GOLGA1: variants seen among roughly 807,000 people sequenced by gnomAD.
GOLGA1 encodes golgin subfamily A member 1.
In GOLGA1, 63 loss-of-function variants were observed where a neutral mutation model predicts 119.7. The ratio of observed to expected loss-of-function variants is 0.53; its 90% confidence interval spans 0.43 to 0.65. The LOEUF is 0.65. Ranked by LOEUF, GOLGA1 falls within the 30% of genes least tolerant of loss-of-function variation. The pLI is 0.00. For synonymous variants in GOLGA1, 318 were observed against 333.4 expected, an observed-to-expected ratio of 0.95 and a Z score of 0.50; for missense variants, 798 against 912.8, an observed-to-expected ratio of 0.87 and a Z score of 1.62.
Position 124,879,135 on chromosome 9 carries a change from T to G in GOLGA1, c.*1395A>C, listed in dbSNP as rs1296244842. The G allele has an allele frequency of 1.3e-5, 2 of 152,226 alleles. No homozygotes were observed. Among genetic ancestry groups the G allele is most frequent in the Admixed American group, 1.3e-4 (2 of 15,288 alleles). 9.4% of individuals were successfully genotyped at this position (152,226 alleles called of 1,614,324 possible). A position where few individuals can be genotyped will look rare whatever the true frequency, so the allele number is the denominator to read the frequency against. On this transcript the variant is annotated 3_prime_UTR_variant, in exon 23 of 23. Coordinates refer to ENST00000373555, the MANE Select transcript of GOLGA1 (RefSeq NM_002077.4). ...CTGTGACACATTTTATATACCTATT[T>G]TGGCCCTAAGCATGATTGAGAAATA... is the stretch of plus-strand genomic sequence containing the variant.
chr9:124,915,382 T>C (rs1830419191), intron 10 of GOLGA1, among the ~76,000 whole-genome samples: 1 of 152,254 alleles, frequency 6.6e-6, no homozygotes, highest in Admixed American at 6.5e-5. Flanking sequence ...GCTATTCTTG[T>C]TAAATATTCA....
chr9:124,926,603 T>A (rs1830677381), intron 7 of GOLGA1, 106 bp downstream of exon 7: 1 of 795,690 alleles, frequency 1.3e-6, no homozygotes, highest in Non-Finnish European at 2.3e-6. Flanking sequence ...CTGTCCTGCT[T>A]CCAAGAGGTG....
chr9:124,886,342 C>T (rs1339768959), intron 19 of GOLGA1, among the ~76,000 whole-genome samples: 10 of 152,038 alleles, frequency 6.6e-5, no homozygotes, highest in Non-Finnish European at 1.0e-4. Flanking sequence ...TCAGAGGAGA[C>T]GGAGAAGGAG....
At chr9:124,931,102 C>A (rs1830762795) in intron 4 of GOLGA1, among the ~76,000 whole-genome samples, 1 of 152,014 alleles carries the variant, frequency 6.6e-6, no homozygotes, top group African/African-American at 2.4e-5. Flanking sequence ...ACCTCAGGAG[C>A]AGAAAAAATT....
At chr9:124,923,292 A>AT in intron 7 of GOLGA1, 69 bp from the exon 8 acceptor site, 1 of 1,348,484 alleles carries the variant, frequency 7.4e-7, no homozygotes, top group Non-Finnish European at 1.0e-6. Context: ...GAAAGTGAAA[A>AT]TCTTTTCTTT....
At chr9:124,913,639 G>A (rs1830381903) in intron 10 of GOLGA1, among the ~76,000 whole-genome samples, 1 of 152,206 alleles carries the variant, frequency 6.6e-6, no homozygotes, top group South Asian at 2.1e-4. Context: ...CTAGATTTAT[G>A]ACCCCACAAT....
chr9:124,893,917 C>T (rs1408320352), intron 15 of GOLGA1, among the ~76,000 whole-genome samples: 1 of 152,180 alleles, frequency 6.6e-6, no homozygotes, highest in African/African-American at 2.4e-5. Flanking sequence ...TGGGAGTCCT[C>T]AGGTGAGCTG....
At chr9:124,915,321 T>A (rs766510134) in intron 10 of GOLGA1, among the ~76,000 whole-genome samples, 1 of 152,230 alleles carries the variant, frequency 6.6e-6, no homozygotes, top group Non-Finnish European at 1.5e-5. Context: ...GAGGACTCGA[T>A]GAGTCCCTAT....
intron 10 of GOLGA1, among the ~76,000 whole-genome samples, chr9:124,918,735 G>C (rs1830502334): frequency 6.6e-6 from 1 of 152,042 alleles, no homozygotes; most frequent in South Asian, 2.1e-4. Context: ...CAGCCTAGGT[G>C]ACAAAGTGAG....
At chr9:124,903,822 G>A (rs1209574869) in intron 12 of GOLGA1, among the ~76,000 whole-genome samples, 1 of 152,080 alleles carries the variant, frequency 6.6e-6, no homozygotes, top group African/African-American at 2.4e-5. Context: ...AGGCCGAGGT[G>A]GGCGGGTCAC....
chr9:124,921,495 C>A (rs1830568593), intron 9 of GOLGA1, among the ~76,000 whole-genome samples: 1 of 152,170 alleles, frequency 6.6e-6, no homozygotes, highest in South Asian at 2.1e-4. Flanking sequence ...TAAAACCACA[C>A]TGAATTGTTC....
chr9:124,903,339 G>A (rs548580640), intron 12 of GOLGA1, among the ~76,000 whole-genome samples: 2 of 151,908 alleles, frequency 1.3e-5, no homozygotes, highest in Admixed American at 6.6e-5. Context: ...AATACAAGGC[G>A]TGGTGGTCTA....
At chr9:124,893,103 G>A (rs1416878856) in intron 15 of GOLGA1, among the ~76,000 whole-genome samples, 2 of 152,158 alleles carry the variant, frequency 1.3e-5, no homozygotes, top group African/African-American at 4.8e-5. Context: ...AGGCTCAAGA[G>A]AGCGTCCTGC....
intron 15 of GOLGA1, among the ~76,000 whole-genome samples, chr9:124,893,832 C>T (rs1269430500): frequency 6.6e-6 from 1 of 152,192 alleles, no homozygotes; most frequent in African/African-American, 2.4e-5. Flanking sequence ...GACTCCCGTC[C>T]CTGGGCAGGA....
chr9:124,940,880 G>A (rs538072418), intron 1 of GOLGA1, 91 bp downstream of exon 1: 1 of 152,578 alleles, frequency 6.6e-6, no homozygotes, highest in East Asian at 1.9e-4. Flanking sequence ...TTGGGGCTCG[G>A]GCAACCCTGA....
intron 19 of GOLGA1, among the ~76,000 whole-genome samples, chr9:124,882,886 G>T (rs1382910915): frequency 6.6e-6 from 1 of 152,118 alleles, no homozygotes; most frequent in Admixed American, 6.5e-5. Context: ...CAGCCCAGCT[G>T]GAAAAGGCTC....
chr9:124,946,168 C>G lies in GOLGA1; in HGVS notation c.-156+1750G>C, dbSNP rs934077567. ...GGTATAATATCTGCTCTACTACTCT[C>G]CAGTGCAAAAACAATGATTTGGTTA... is the stretch of plus-strand genomic sequence containing the variant. On this transcript the variant is annotated intron_variant, in intron 1 of 4. Transcript: ENST00000421514. This position sits in a 1 kb window ranked among gnomAD's most constrained non-coding sequence, Gnocchi z 4.0. 2.0e-5 allele frequency: 3 copies of G among 152,154 alleles called. No homozygotes were observed. The highest frequency in any genetic ancestry group is 7.2e-5 in the African/African-American group (3 of 41,428). The allele number at this position is 152,154 out of a possible 1,614,324, so 9.4% of individuals were successfully genotyped here.
Position 124,881,135 on chromosome 9 carries a change from T to C in GOLGA1, c.2223+36A>G, listed in dbSNP as rs375389496. 2.8e-5 allele frequency: 31 copies of C among 1,097,206 alleles called. No individual in the cohort carries two copies. In the African/African-American group the frequency reaches 4.0e-4, roughly 14 times the overall value. 68.0% of individuals were successfully genotyped at this position (1,097,206 alleles called of 1,614,324 possible). Reference sequence around the variant, plus strand: ...TACTGCTGGGATAACTGACAACGTATCTTGGAAGCTGGAACAGTAGACCAG... The same window carrying C: ...TACTGCTGGGATAACTGACAACGTACCTTGGAAGCTGGAACAGTAGACCAG... On this transcript the variant is annotated intron_variant, in intron 22 of 22. Transcript: ENST00000373555. The surrounding 1 kb of genome is among the most constrained non-coding windows in gnomAD (Gnocchi z 4.9).
chr9:124,885,472 G>T (rs1829699854), intron 19 of GOLGA1, among the ~76,000 whole-genome samples: 1 of 145,944 alleles, frequency 6.9e-6, no homozygotes, highest in Admixed American at 6.9e-5. Flanking sequence ...GTGACAGGGG[G>T]AGACTCTGTC....
Sources: allele counts gnomAD v4.1 joint callset (sites outside exome capture counted in the v4.1 genomes callset), GRCh38; gene constraint gnomAD v4.1.1; non-coding constraint Gnocchi (gnomAD v3.1); transcripts MANE v1.5; gene names NCBI Gene and HGNC (gene_info 2026-07-23, HGNC 2026-07-21).